Variants in LAMP5 observed in about 807,000 individuals in gnomAD.
LAMP5 encodes the protein lysosome associated membrane protein 5.
Under a neutral mutation model 30.2 loss-of-function variants are expected in LAMP5, and 36 were observed. That is an observed-to-expected ratio of 1.19 (90% CI 0.91 to 1.57). The LOEUF (loss-of-function observed/expected upper bound fraction) is 1.57, where lower values mean the gene tolerates loss of function less well. Ranked by LOEUF, LAMP5 falls within the 40% of genes most tolerant of loss-of-function variation. LAMP5 has a pLI of 0.00. For missense variants in LAMP5, 377 were observed against 354.9 expected (o/e 1.06, Z -0.50); for synonymous variants, 149 against 134.6 (o/e 1.11, Z -0.74).
Position 9,516,395 on chromosome 20 carries a change from C to T in LAMP5, c.475+34C>T. The stretch of plus-strand genomic sequence containing the variant: ...AGGCTGGCATGGCTGGGGAGGGAGC[C>T]TGGGAACTCGCAGAACAGGCTTGGA... On this transcript the variant is annotated intron_variant, in intron 4 of 5. Coordinates refer to ENST00000246070, the MANE Select transcript of LAMP5 (RefSeq NM_012261.4). 5 of 1,545,800 alleles carry T rather than the reference C, an allele frequency of 3.2e-6. No individual in the cohort carries two copies. In the South Asian group the frequency reaches 5.6e-5, roughly 17 times the overall value.
intron 4 of LAMP5, 92 bp from the exon 5 acceptor site, chr20:9,517,948 G>T: frequency 9.2e-7 from 1 of 1,092,024 alleles, no homozygotes; most frequent in Admixed American, 2.0e-5. Context: ...GAGGGGTGTG[G>T]TGTCTGGAAC....
Position 9,530,087 on chromosome 20 carries a change from G to T in LAMP5, c.*267G>T, listed in dbSNP as rs2122854904. 1 of 315,870 alleles carries T rather than the reference G, an allele frequency of 3.2e-6. No individual in the cohort carries two copies. Among genetic ancestry groups the T allele is most frequent in the Non-Finnish European group, 5.9e-6 (1 of 169,360 alleles). 19.6% of individuals were successfully genotyped at this position (315,870 alleles called of 1,614,324 possible). On this transcript the variant is annotated 3_prime_UTR_variant, in exon 6 of 6. Transcript: ENST00000246070. ...TCAGACAGCTTTCGTGCTCATGGTGGCTTGGCTTTGACTCTCCAAAGAGCA... is the reference window on the plus strand; with the variant it reads ...TCAGACAGCTTTCGTGCTCATGGTGTCTTGGCTTTGACTCTCCAAAGAGCA...
At chr20:9,526,872 A>C (rs1303412589) in intron 5 of LAMP5, among the ~76,000 whole-genome samples, 1 of 103,248 alleles carries the variant, frequency 9.7e-6, no homozygotes, top group Non-Finnish European at 1.9e-5. Context: ...ATATATATAT[A>C]TATATATATA....
chr20:9,516,249 T>C lies in LAMP5; in HGVS notation c.370-7T>C. ...GACGATTGAAGCGCACCTCCCCGGC[T>C]CAACAGGAAAGCCACAACATGTCCA... On this transcript the variant is annotated splice_region_variant and splice_polypyrimidine_tract_variant and intron_variant, in intron 3 of 5. Transcript: ENST00000246070. The C allele has an allele frequency of 1.2e-6, 2 of 1,613,910 alleles. No individual in the cohort carries two copies. Among genetic ancestry groups the C allele is most frequent in the Non-Finnish European group, 1.7e-6 (2 of 1,179,920 alleles).
At chr20:9,525,288 A>G (rs2045105235) in intron 5 of LAMP5, among the ~76,000 whole-genome samples, 1 of 152,252 alleles carries the variant, frequency 6.6e-6, no homozygotes. Flanking sequence ...AGAAGTACAC[A>G]GAAGACTTAA....
At chr20:9,525,755 C>T (rs368736912) in intron 5 of LAMP5, among the ~76,000 whole-genome samples, 1 of 152,302 alleles carries the variant, frequency 6.6e-6, no homozygotes, top group South Asian at 2.1e-4. Flanking sequence ...CTCCCTTCCT[C>T]CTGAAGCTTT....
Position 9,516,041 on chromosome 20 carries a change from T to C in LAMP5, c.279T>C (p.Ala93=), listed in dbSNP as rs753011183. ...EQADIALTRG[A]EVKGRCGHSQ... ...CCGATATCGCATTGACCCGGGGAGC[T>C]GAGGTGAAGGGCCGCTGTGGCCACA... is the stretch of plus-strand genomic sequence containing the variant. Residue 93 remains alanine, a synonymous_variant, in exon 3 of 6, where the codon GCT becomes GCC. Transcript: ENST00000246070. 7.2e-6 allele frequency: 11 copies of C among 1,535,940 alleles called. No individual in the cohort carries two copies. Among genetic ancestry groups the C allele is most frequent in the Non-Finnish European group, 8.7e-6 (10 of 1,148,308 alleles).
intron 5 of LAMP5, among the ~76,000 whole-genome samples, chr20:9,521,034 T>C (rs909906131): frequency 7.9e-5 from 12 of 152,120 alleles, no homozygotes; most frequent in Admixed American, 1.3e-4. Flanking sequence ...TGCTGGCCCA[T>C]GGAGCACTAT....
intron 5 of LAMP5, among the ~76,000 whole-genome samples, chr20:9,526,640 C>A (rs1603174659): frequency 6.6e-6 from 1 of 152,082 alleles, no homozygotes; most frequent in Non-Finnish European, 1.5e-5. Context: ...TGTTGGGACT[C>A]ATTAGAATGG....
chr20:9,523,146 A>G (rs2045090183), intron 5 of LAMP5, among the ~76,000 whole-genome samples: 1 of 152,076 alleles, frequency 6.6e-6, no homozygotes, highest in South Asian at 2.1e-4. Flanking sequence ...AGGTCTCCAA[A>G]GCCCACTCAT....
intron 5 of LAMP5, among the ~76,000 whole-genome samples, chr20:9,522,182 G>C (rs910741618): frequency 5.3e-5 from 8 of 152,116 alleles, no homozygotes; most frequent in Admixed American, 2.0e-4. Flanking sequence ...CATTTACAGA[G>C]TTTGTTGGGT....
At chr20:9,515,891 C>A (rs1455779024) in intron 2 of LAMP5, 109 bp from the exon 3 acceptor site, 13 of 1,285,586 alleles carry the variant, frequency 1.0e-5, no homozygotes, top group South Asian at 1.7e-5. Context: ...GATGCGCGCG[C>A]GCAAAGGAGC....
chr20:9,520,578 CGTGTGTGTGTGT>C (rs34089408), intron 5 of LAMP5, among the ~76,000 whole-genome samples: 2 of 144,516 alleles, frequency 1.4e-5, no homozygotes, highest in South Asian at 2.3e-4. Context: ...TCCGTGTGTT[CGTGTGTGTGTGT>C]GTGTGTGTGT....
intron 4 of LAMP5, 30 bp from the exon 5 acceptor site, chr20:9,518,010 T>TCTGCCAGCCGGAGGGGC: frequency 6.3e-7 from 1 of 1,599,140 alleles, no homozygotes; most frequent in Non-Finnish European, 8.5e-7. Flanking sequence ...CAATGAGGGT[T>TCTGCCAGCCGGAGGGGC]CTAACTATTG....
chr20:9,527,600 A>T (rs1192267857), intron 5 of LAMP5, among the ~76,000 whole-genome samples: 1 of 152,226 alleles, frequency 6.6e-6, no homozygotes. Context: ...TCTGGACTTA[A>T]AAAACTTGGT....
rs556363525 is a variant in LAMP5 at position 9,530,437 on chromosome 20, C to G, written c.*617C>G. On this transcript the variant is annotated 3_prime_UTR_variant, in exon 6 of 6. Coordinates refer to ENST00000246070, the MANE Select transcript of LAMP5 (RefSeq NM_012261.4). ...CTATGCAGAGTTGTTTGGACTTCTT[C>G]CTGTGCCAGGTCCAAGTCGGGGGAC... 3.9e-5 allele frequency: 6 copies of G among 152,766 alleles called. No individual in the cohort carries two copies. Among genetic ancestry groups the G allele is most frequent in the Admixed American group, 1.3e-4 (2 of 15,286 alleles). The allele number at this position is 152,766 out of a possible 1,614,324, so 9.5% of individuals were successfully genotyped here. A position where few individuals can be genotyped will look rare whatever the true frequency, so the allele number is the denominator to read the frequency against.
Position 9,515,501 on chromosome 20 carries a change from G to A in LAMP5, c.113G>A (p.Gly38Asp). The A allele has an allele frequency of 6.2e-7, 1 of 1,614,160 alleles. No homozygotes were observed. Among genetic ancestry groups the A allele is most frequent in the Non-Finnish European group, 8.5e-7 (1 of 1,180,022 alleles). ...MAEQEVENLS[G>D]LSTNPEKDIF... ...GAACAAGAAGTGGAAAATCTCTCAGGCCTTTCCACTAACCCTGAAAAAGAT... is the reference window on the plus strand; with the variant it reads ...GAACAAGAAGTGGAAAATCTCTCAGACCTTTCCACTAACCCTGAAAAAGAT... The change falls in exon 2 of 6, where the codon GGC becomes GAC. Residue 38 changes from glycine to aspartate, a missense_variant. Transcript: ENST00000246070.
At chr20:9,520,262 T>C (rs2045070290) in intron 5 of LAMP5, among the ~76,000 whole-genome samples, 1 of 152,232 alleles carries the variant, frequency 6.6e-6, no homozygotes, top group Non-Finnish European at 1.5e-5. Context: ...TCCTGGGAGG[T>C]GGCAAGCCTC....
intron 5 of LAMP5, among the ~76,000 whole-genome samples, chr20:9,525,165 A>G (rs1359175777): frequency 2.0e-5 from 3 of 152,094 alleles, no homozygotes; most frequent in East Asian, 3.8e-4. Context: ...TTACCATACT[A>G]TATCATCTTT....
Sources: allele counts gnomAD v4.1 joint callset (sites outside exome capture counted in the v4.1 genomes callset), GRCh38; gene constraint gnomAD v4.1.1; transcripts MANE v1.5; gene names NCBI Gene and HGNC (gene_info 2026-07-23, HGNC 2026-07-21).